LCN8: variants seen among roughly 807,000 people sequenced by gnomAD.
LCN8 encodes the protein epididymal-specific lipocalin-8.
In LCN8, 16 loss-of-function variants were observed where a neutral mutation model predicts 22.8. That is an observed-to-expected ratio of 0.70 (90% CI 0.47 to 1.06). LCN8 has a LOEUF of 1.06. LCN8 is among the 50% of genes least tolerant of loss of function. The probability of loss-of-function intolerance (pLI) is 0.00; values close to 1 mark genes in which losing one functional copy is unlikely to be tolerated. For missense variants in LCN8, 189 were observed against 203.3 expected (o/e 0.93, Z 0.43); for synonymous variants, 92 against 83.4 (o/e 1.10, Z -0.56).
At chr9:136,757,227 A>G in intron 1 of LCN8, 59 bp from the exon 2 acceptor site, 1 of 1,578,318 alleles carries the variant, frequency 6.3e-7, no homozygotes, top group Non-Finnish European at 8.6e-7. Context: ...CCCCAGGGGC[A>G]TTCCACGAAC....
Position 136,754,467 on chromosome 9 carries a change from C to A in LCN8, c.*31G>T. On this transcript the variant is annotated 3_prime_UTR_variant, in exon 7 of 7. Transcript: ENST00000371688. ...GGAGGGGCAGGGGTGGGCGGGCGCTCCGAACCTTGTGGTCTGAGGCAGGAA... is the reference window on the plus strand; with the variant it reads ...GGAGGGGCAGGGGTGGGCGGGCGCTACGAACCTTGTGGTCTGAGGCAGGAA... 6.4e-7 allele frequency: 1 copy of A among 1,556,762 alleles called. No individual in the cohort carries two copies. The highest frequency in any genetic ancestry group is 8.7e-7 in the Non-Finnish European group (1 of 1,150,006).
chr9:136,755,015 G>T, intron 6 of LCN8, 120 bp downstream of exon 6: 2 of 1,437,110 alleles, frequency 1.4e-6, no homozygotes, highest in Non-Finnish European at 1.8e-6. Context: ...TTCACAGGAA[G>T]GGGTGAGAAG....
rs1847156569 is a variant in LCN8, at chr9:136,755,251, G to C, written c.414C>G (p.Ala138=). 1 of 1,612,548 alleles carries C rather than the reference G, an allele frequency of 6.2e-7. No individual in the cohort carries two copies. ...CAAGGCCCCTGGGCTCACCAGGCCG[G>C]GCCGCCAGGTAGAGACCAGTGTCTG... is the stretch of plus-strand genomic sequence containing the variant. The part of the protein sequence containing the change: ...LTADTGLYLA[A]RPGRCAELLK... Residue 138 remains alanine (A), a synonymous_variant, in exon 5 of 7, where the codon GCC becomes GCG. Transcript: ENST00000371688.
intron 6 of LCN8, chr9:136,754,875 C>G (rs1847145390): frequency 7.3e-7 from 1 of 1,365,654 alleles, no homozygotes; most frequent in Admixed American, 3.4e-5. Context: ...CAGCTCTGCA[C>G]CCCGTGACCC....
intron 2 of LCN8, 96 bp from the exon 3 acceptor site, chr9:136,756,688 C>T (rs779718128): frequency 1.7e-4 from 266 of 1,540,090 alleles, no homozygotes; most frequent in Non-Finnish European, 2.2e-4. Flanking sequence ...AGGAAGGGCA[C>T]AGGCAGCACT....
Position 136,757,343 on chromosome 9 carries a change from C to T in LCN8, c.25-175G>A, listed in dbSNP as rs1259491049. 7 of 1,443,280 alleles carry T rather than the reference C, an allele frequency of 4.9e-6. No individual in the cohort carries two copies. The African/African-American group carries it at 7.1e-5, about 15-fold the overall frequency. The allele number at this position is 1,443,280 out of a possible 1,614,324, so 89.4% of individuals were successfully genotyped here. On this transcript the variant is annotated intron_variant, in intron 1 of 6. Coordinates refer to ENST00000371688, the MANE Select transcript of LCN8 (RefSeq NM_178469.4). ...AGCCCACTGTCCCCAGGCATGTGTC[C>T]CTCCAAGCGGTGCCTTCAGGCCATC... is the stretch of plus-strand genomic sequence containing the variant.
chr9:136,755,602 T>A, intron 3 of LCN8, 86 bp from the exon 4 acceptor site: 1 of 1,538,874 alleles, frequency 6.5e-7, no homozygotes, highest in Non-Finnish European at 8.7e-7. Flanking sequence ...AACTCCATCC[T>A]GCCCCCACCC....
chr9:136,758,082 G>C lies in LCN8; in HGVS notation c.-152C>G, dbSNP rs1001904860. The C allele has an allele frequency of 6.7e-7, 1 of 1,488,246 alleles. No homozygotes were observed. Among genetic ancestry groups the C allele is most frequent in the Non-Finnish European group, 9.0e-7 (1 of 1,116,024 alleles). 92.2% of individuals were successfully genotyped at this position (1,488,246 alleles called of 1,614,324 possible). On this transcript the variant is annotated 5_prime_UTR_variant, in exon 1 of 7. Coordinates refer to ENST00000371688, the MANE Select transcript of LCN8 (RefSeq NM_178469.4). ...CAGTGCAGGCTTGTGCGCCCACCCG[G>C]GAATGTCATCAGGACAGCTTGGCTG... is the stretch of plus-strand genomic sequence containing the variant.
chr9:136,755,370 G>T, intron 4 of LCN8, 37 bp from the exon 5 acceptor site: 1 of 1,610,668 alleles, frequency 6.2e-7, no homozygotes, highest in Non-Finnish European at 8.5e-7. Context: ...GCAGTCCCTG[G>T]GAGAGCAGCA....
chr9:136,756,497 G>A, intron 3 of LCN8, 25 bp downstream of exon 3: 1 of 1,614,124 alleles, frequency 6.2e-7, no homozygotes, highest in Non-Finnish European at 8.5e-7. Context: ...GGTTCCACCT[G>A]CCATCACAGG....
chr9:136,755,604 C>T, intron 3 of LCN8, 88 bp from the exon 4 acceptor site: 1 of 1,537,716 alleles, frequency 6.5e-7, no homozygotes, highest in Non-Finnish European at 8.7e-7. Context: ...CTCCATCCTG[C>T]CCCCACCCAG....
At chr9:136,755,903 G>A (rs1156296068) in intron 3 of LCN8, 7 of 1,287,304 alleles carry the variant, frequency 5.4e-6, no homozygotes, top group South Asian at 5.0e-5. Flanking sequence ...GGAGCAGTGC[G>A]GGGAACAGTG....
chr9:136,756,065 AGTG>A (rs1847184963), intron 3 of LCN8: 1 of 1,297,706 alleles, frequency 7.7e-7, no homozygotes, highest in Non-Finnish European at 1.0e-6. Flanking sequence ...TGCGGGGAAC[AGTG>A]CAGGGAGCAT....
In LCN8 at chr9:136,755,119, CG is replaced by C. The variant is rs1564330728; in HGVS notation, c.447+15del. The stretch of plus-strand genomic sequence containing the variant: ...CGGGAACTTCAGCACAGGCCAGGGT[CG>C]GGGGTCAGGCTCACCTCCTTCAGGA... On this transcript the variant is annotated intron_variant, in intron 6 of 6. Coordinates refer to ENST00000371688, the MANE Select transcript of LCN8 (RefSeq NM_178469.4). The C allele has an allele frequency of 1.9e-6, 3 of 1,549,654 alleles. No individual in the cohort carries two copies. The highest frequency in any genetic ancestry group is 2.6e-6 in the Non-Finnish European group (3 of 1,147,650).
In LCN8 at chr9:136,757,677, C is replaced by T. The variant is rs530003049; in HGVS notation, c.24+230G>A. 1.5e-5 allele frequency: 22 copies of T among 1,436,592 alleles called. 1 individual carries two copies. Among genetic ancestry groups the T allele is most frequent in the South Asian group, 1.5e-4 (10 of 66,586 alleles). The allele number at this position is 1,436,592 out of a possible 1,614,324, so 89.0% of individuals were successfully genotyped here. ...AGACTTTTAAAAACCCTACCATTTT[C>T]GGGAGGAAAGAATCTTCGTCTCCGG... On this transcript the variant is annotated intron_variant, in intron 1 of 6. Coordinates refer to ENST00000371688, the MANE Select transcript of LCN8 (RefSeq NM_178469.4).
At chr9:136,754,637 G>A in intron 6 of LCN8, 128 bp from the exon 7 acceptor site, 2 of 1,451,706 alleles carry the variant, frequency 1.4e-6, no homozygotes, top group Non-Finnish European at 1.8e-6. Flanking sequence ...CCAGCTCCCT[G>A]AGCGCCTTCT....
chr9:136,757,627 C>T (rs889927505), intron 1 of LCN8: 26 of 1,413,278 alleles, frequency 1.8e-5, no homozygotes, highest in South Asian at 1.1e-4. Context: ...CCTCAGCAAC[C>T]CGCCCAGAGC....
intron 6 of LCN8, 62 bp from the exon 7 acceptor site, chr9:136,754,571 G>C (rs574489811): frequency 3.9e-6 from 6 of 1,537,722 alleles, no homozygotes; most frequent in Non-Finnish European, 5.3e-6. Flanking sequence ...ACGGGGCTTC[G>C]ATGAGGGCCA....
chr9:136,756,460 A>C (rs1241128628), intron 3 of LCN8, 62 bp downstream of exon 3: 5 of 1,613,894 alleles, frequency 3.1e-6, no homozygotes, highest in Non-Finnish European at 4.2e-6. Flanking sequence ...CATGGGGAAC[A>C]ATAAGGCCTA....
Sources: gnomAD v4.1 joint callset for allele counts on GRCh38, gnomAD v4.1.1 for gene constraint, MANE v1.5 for transcripts, NCBI Gene and HGNC (gene_info 2026-07-23, HGNC 2026-07-21) for gene names.